CELA2A: variants seen among roughly 807,000 people sequenced by gnomAD.
CELA2A encodes chymotrypsin like elastase 2A.
CELA2A carries 31 observed loss-of-function variants against 35.3 expected under a neutral mutation model. The observed-to-expected ratio is 0.88, with a 90% CI of 0.66 to 1.19. CELA2A has a LOEUF of 1.19. Ranked by LOEUF, CELA2A falls within the 50% of genes most tolerant of loss-of-function variation. The probability of loss-of-function intolerance (pLI) is 0.00; values close to 1 mark genes in which losing one functional copy is unlikely to be tolerated. For synonymous variants in CELA2A, 150 were observed against 149.8 expected (o/e 1.00, Z -0.01); for missense variants, 330 against 352.9 (o/e 0.94, Z 0.52).
rs572640998 is a variant in CELA2A, at chr1:15,463,858, C to G, written c.493+336C>G. On this transcript the variant is annotated intron_variant, in intron 5 of 7. Coordinates refer to ENST00000359621, the MANE Select transcript of CELA2A (RefSeq NM_033440.3). ...GAGGTCAGGAGACCAGCCTGACCAA[C>G]ACGGAGAAACTCTGTCTCTACTAAA... Among the ~76,000 whole-genome samples the G allele has an allele frequency of 8.6e-5, 13 of 151,578 alleles. No homozygotes were observed. The East Asian group carries it at 2.5e-3, about 29-fold the overall frequency.
In CELA2A at chr1:15,461,663, C is replaced by A; in HGVS notation, c.227+5C>A. The A allele has an allele frequency of 6.2e-7, 1 of 1,614,002 alleles. No individual in the cohort carries two copies. Among genetic ancestry groups the A allele is most frequent in the Non-Finnish European group, 8.5e-7 (1 of 1,179,966 alleles). On this transcript the variant is annotated splice_donor_5th_base_variant and intron_variant, in intron 3 of 7. Coordinates refer to ENST00000359621, the MANE Select transcript of CELA2A (RefSeq NM_033440.3). ...GACGGCTGCCCACTGCATCAGGTAA[C>A]TGCCTTTCCCTGGGCGCTTGGCCTG...
rs764716387 is a variant in CELA2A at position 15,471,982 on chromosome 1, T to C, written c.793-8T>C. The stretch of plus-strand genomic sequence containing the variant: ...GTGAACCTGACGATTATCTTGTGTG[T>C]CCTGCAGGTGATTGCAAATAACTAA... On this transcript the variant is annotated splice_region_variant and splice_polypyrimidine_tract_variant and intron_variant, in intron 7 of 7. Transcript: ENST00000359621. 3.5e-5 allele frequency: 56 copies of C among 1,614,004 alleles called. No individual in the cohort carries two copies. Among genetic ancestry groups the C allele is most frequent in the Non-Finnish European group, 4.2e-5 (50 of 1,180,012 alleles).
At chr1:15,458,045 TC>T (rs1708384598) in intron 2 of CELA2A, among the ~76,000 whole-genome samples, 1 of 152,192 alleles carries the variant, frequency 6.6e-6, no homozygotes, top group Non-Finnish European at 1.5e-5. Context: ...TAGTGAAATC[TC>T]ATTTATCTGA....
At chr1:15,462,343 C>T (rs1258118611) in intron 3 of CELA2A, 6 of 396,388 alleles carry the variant, frequency 1.5e-5, no homozygotes, top group Admixed American at 3.3e-5. Flanking sequence ...TTCTCACTAA[C>T]GGTGGGACTC....
Position 15,462,841 on chromosome 1 carries a change from C to CT in CELA2A, c.337dup (p.Ser113PhefsTer17). The CT allele has an allele frequency of 6.2e-7, 1 of 1,614,148 alleles. No individual in the cohort carries two copies. Among genetic ancestry groups the CT allele is most frequent in the Non-Finnish European group, 8.5e-7 (1 of 1,180,014 alleles). The stretch of plus-strand genomic sequence containing the variant: ...AGATTGTGGTGCACAAGGACTGGAA[C>CT]TCCAACCAAATCTCCAAAGGGTTCG... On this transcript the variant is annotated frameshift_variant, in exon 4 of 8. Coordinates refer to ENST00000359621, the MANE Select transcript of CELA2A (RefSeq NM_033440.3). LOFTEE classifies it high-confidence loss of function.
At position 15,462,823 on chromosome 1, in the gene CELA2A, G is replaced by A; in HGVS notation, c.318G>A (p.Val106=). The change falls in exon 4 of 8, where the codon GTG becomes GTA. Residue 106 remains valine (V), a synonymous_variant. Coordinates refer to ENST00000359621, the MANE Select transcript of CELA2A (RefSeq NM_033440.3). ...TGGCAGTCAGTGTCTCTAAGATTGT[G>A]GTGCACAAGGACTGGAACTCCAACC... ...GSLAVSVSKI[V]VHKDWNSNQI... 1 of 1,614,094 alleles carries A rather than the reference G, an allele frequency of 6.2e-7. No individual in the cohort carries two copies. The highest frequency in any genetic ancestry group is 8.5e-7 in the Non-Finnish European group (1 of 1,180,006).
At chr1:15,459,323 C>T (rs547889803) in intron 2 of CELA2A, among the ~76,000 whole-genome samples, 7 of 137,554 alleles carry the variant, frequency 5.1e-5, no homozygotes, top group East Asian at 4.6e-4. Context: ...CCCCCACACC[C>T]GGTTAAGTTT....
chr1:15,458,808 G>C (rs1708394357), intron 2 of CELA2A, among the ~76,000 whole-genome samples: 1 of 151,522 alleles, frequency 6.6e-6, no homozygotes, highest in Non-Finnish European at 1.5e-5. Flanking sequence ...AGCTACTTGG[G>C]AGGCTGAGGC....
At chr1:15,458,202 T>C (rs1422433441) in intron 2 of CELA2A, among the ~76,000 whole-genome samples, 3 of 152,170 alleles carry the variant, frequency 2.0e-5, no homozygotes, top group African/African-American at 7.2e-5. Context: ...CCCCATATCT[T>C]ATCTACAAAC....
At chr1:15,462,423 G>A (rs1188683219) in intron 3 of CELA2A, among the ~76,000 whole-genome samples, 1 of 152,154 alleles carries the variant, frequency 6.6e-6, no homozygotes, top group Non-Finnish European at 1.5e-5. Context: ...AAATGTCCTT[G>A]AGGGCAAATG....
At chr1:15,465,081 G>T (rs541228102) in intron 5 of CELA2A, among the ~76,000 whole-genome samples, 6 of 137,646 alleles carry the variant, frequency 4.4e-5, no homozygotes, top group Middle Eastern at 8.2e-3. Flanking sequence ...GTGCAATCTC[G>T]GCTCACTGCA....
At chr1:15,468,765 C>A (rs1708554651) in intron 7 of CELA2A, among the ~76,000 whole-genome samples, 1 of 152,128 alleles carries the variant, frequency 6.6e-6, no homozygotes, top group African/African-American at 2.4e-5. Flanking sequence ...AGCACTTAAG[C>A]CTGGGCGACA....
At chr1:15,462,904 G>A (rs1303653435) in intron 4 of CELA2A, 43 bp downstream of exon 4, 1 of 1,613,306 alleles carries the variant, frequency 6.2e-7, no homozygotes, top group East Asian at 2.2e-5. Flanking sequence ...GGTTGTCAGG[G>A]AACAGATGGG....
chr1:15,467,397 C>A lies in CELA2A; in HGVS notation c.651C>A (p.Gly217=), dbSNP rs563119767. ...GVISSCNGDS[G]GPLNCQASDG... ...CTGGCCTTCCTCAGGGAGACTCTGG[C>A]GGGCCACTGAACTGTCAGGCGTCTG... is the stretch of plus-strand genomic sequence containing the variant. The change falls in exon 7 of 8, where the codon GGC becomes GGA. Residue 217 remains glycine (G), a synonymous_variant. Transcript: ENST00000359621. The A allele has an allele frequency of 2.5e-6, 4 of 1,613,284 alleles. No individual in the cohort carries two copies. Among genetic ancestry groups the A allele is most frequent in the East Asian group, 2.2e-5 (1 of 44,884 alleles).
intron 3 of CELA2A, chr1:15,461,972 A>G (rs967329026): frequency 1.8e-6 from 1 of 555,756 alleles, no homozygotes; most frequent in African/African-American, 1.9e-5. Flanking sequence ...GAACAACTTA[A>G]CTGACTTCTC....
intron 7 of CELA2A, among the ~76,000 whole-genome samples, chr1:15,468,469 C>T (rs1708550918): frequency 6.6e-6 from 1 of 152,134 alleles, no homozygotes; most frequent in South Asian, 2.1e-4. Flanking sequence ...TTGTTTTTAA[C>T]AATGAACACA....
At chr1:15,461,066 G>A (rs936827008) in intron 2 of CELA2A, among the ~76,000 whole-genome samples, 2 of 152,066 alleles carry the variant, frequency 1.3e-5, no homozygotes, top group African/African-American at 4.8e-5. Flanking sequence ...CAAAAGTGGG[G>A]GAAAGACCCT....
chr1:15,462,860 G>C lies in CELA2A; in HGVS notation c.355G>C (p.Gly119Arg). 1 of 1,614,120 alleles carries C rather than the reference G, an allele frequency of 6.2e-7. No individual in the cohort carries two copies. Among genetic ancestry groups the C allele is most frequent in the Non-Finnish European group, 8.5e-7 (1 of 1,180,006 alleles). Residue 119 changes from glycine (G) to arginine (R), a missense_variant and splice_region_variant, in exon 4 of 8, where the codon GGG becomes CGG. By Grantham distance (125) the Gly-to-Arg change is moderately radical. Transcript: ENST00000359621. ...KDWNSNQISK[G>R]NDIALLKLAN... is the part of the protein sequence containing the mutation. ...CTGGAACTCCAACCAAATCTCCAAA[G>C]GGTTCGTTTCTGTCTGGGTGCACTT...
intron 7 of CELA2A, among the ~76,000 whole-genome samples, chr1:15,470,592 G>T (rs148738781): frequency 6.6e-6 from 1 of 151,994 alleles, no homozygotes; most frequent in Non-Finnish European, 1.5e-5. Flanking sequence ...TTTTGTTTTT[G>T]TTTTTTAAGA....
Sources: gnomAD v4.1 joint callset for allele counts (sites outside exome capture counted in the v4.1 genomes callset) on GRCh38, gnomAD v4.1.1 for gene constraint, MANE v1.5 for transcripts, NCBI Gene and HGNC (gene_info 2026-07-23, HGNC 2026-07-21) for gene names.